INPP4B: variants seen among roughly 807,000 people sequenced by gnomAD.
INPP4B encodes the protein inositol polyphosphate 4-phosphatase type II.
Under a neutral mutation model 122.5 loss-of-function variants are expected in INPP4B, and 55 were observed. The observed-to-expected ratio is 0.45, with a 90% CI of 0.36 to 0.56. The LOEUF (loss-of-function observed/expected upper bound fraction) is 0.56, where lower values mean the gene tolerates loss of function less well. INPP4B is among the 20% of genes least tolerant of loss of function. The pLI is 0.00. For missense variants in INPP4B, 1,000 were observed against 1,097.7 expected (o/e 0.91, Z 1.26); for synonymous variants, 403 against 388.7 (o/e 1.04, Z -0.43).
Position 142,243,607 on chromosome 4 carries a change from T to C in INPP4B, c.689-5596A>G, listed in dbSNP as rs943799509. ...ATTTAAATCACACGGAGAAAATATA[T>C]TTTTGTTGTTATAAAATGAATATCA... On this transcript the variant is annotated intron_variant, in intron 11 of 25. Coordinates refer to ENST00000262992, the MANE Select transcript of INPP4B (RefSeq NM_001101669.3). Among the ~76,000 whole-genome samples the C allele has an allele frequency of 5.1e-4, 78 of 152,266 alleles. 1 individual carries two copies. The highest frequency in any genetic ancestry group is 1.1e-3 in the Non-Finnish European group (72 of 68,018).
At chr4:142,580,772 G>A (rs999615846) in intron 2 of INPP4B, among the ~76,000 whole-genome samples, 2 of 152,028 alleles carry the variant, frequency 1.3e-5, no homozygotes, top group African/African-American at 4.8e-5. Context: ...ACCTGACAGA[G>A]GGAGATACAT....
At chr4:142,559,320 T>A (rs1580367110) in intron 2 of INPP4B, among the ~76,000 whole-genome samples, 1 of 152,328 alleles carries the variant, frequency 6.6e-6, no homozygotes, top group East Asian at 1.9e-4. Context: ...TTCACTGTTA[T>A]GCTTTTGTTT....
chr4:142,613,350 A>G (rs1742986279), intron 2 of INPP4B, among the ~76,000 whole-genome samples: 1 of 152,218 alleles, frequency 6.6e-6, no homozygotes, highest in Non-Finnish European at 1.5e-5. Flanking sequence ...ATATGAAGAT[A>G]ACAAATGCAT....
chr4:142,648,724 T>C (rs1752329010), intron 2 of INPP4B, among the ~76,000 whole-genome samples: 1 of 152,226 alleles, frequency 6.6e-6, no homozygotes, highest in Non-Finnish European at 1.5e-5. Flanking sequence ...ACTGCCTCTA[T>C]AGAATCCACC....
At position 142,543,009 on chromosome 4, in the gene INPP4B, A is replaced by C. The variant is rs1326507145; in HGVS notation, c.-190-80283T>G. ...GTATGCTTAAAGCGGTATCTTTCTT[A>C]TTATTATTAGTGAAAACACCCTCTG... is the stretch of plus-strand genomic sequence containing the variant. On this transcript the variant is annotated intron_variant, in intron 2 of 25. Coordinates refer to ENST00000262992, the MANE Select transcript of INPP4B (RefSeq NM_001101669.3). Among the ~76,000 whole-genome samples, 5 of 152,144 alleles carry C rather than the reference A, an allele frequency of 3.3e-5. No homozygotes were observed. The East Asian group carries it at 5.8e-4, about 18-fold the overall frequency.
At chr4:142,556,036 G>A (rs1729100974) in intron 2 of INPP4B, among the ~76,000 whole-genome samples, 1 of 152,094 alleles carries the variant, frequency 6.6e-6, no homozygotes, top group Non-Finnish European at 1.5e-5. Flanking sequence ...ACACAAGATT[G>A]TAAAGATGGG....
chr4:142,418,766 T>C (rs891121119), intron 5 of INPP4B, among the ~76,000 whole-genome samples: 1 of 152,132 alleles, frequency 6.6e-6, no homozygotes, highest in Non-Finnish European at 1.5e-5. Context: ...CCATTTTGAT[T>C]TTACTCTAAG....
At chr4:142,132,329 T>C (rs1385475861) in intron 18 of INPP4B, among the ~76,000 whole-genome samples, 1 of 152,080 alleles carries the variant, frequency 6.6e-6, no homozygotes, top group Non-Finnish European at 1.5e-5. Flanking sequence ...GGGCAGGCTC[T>C]GGAGCCAGAC....
At chr4:142,103,990 A>C (rs1785772331) in intron 23 of INPP4B, among the ~76,000 whole-genome samples, 1 of 152,180 alleles carries the variant, frequency 6.6e-6, no homozygotes, top group Non-Finnish European at 1.5e-5. Context: ...GGTTAAAAAA[A>C]AGCCCTGTTT....
chr4:142,557,743 C>T (rs1377016481), intron 2 of INPP4B, among the ~76,000 whole-genome samples: 1 of 152,056 alleles, frequency 6.6e-6, no homozygotes, highest in Non-Finnish European at 1.5e-5. Flanking sequence ...TAAGGTGCAA[C>T]TAAAATAATT....
At chr4:142,425,888 A>G (rs1424743397) in intron 5 of INPP4B, among the ~76,000 whole-genome samples, 1 of 151,982 alleles carries the variant, frequency 6.6e-6, no homozygotes, top group East Asian at 1.9e-4. Flanking sequence ...CATTCGTATC[A>G]CAATCAACCC....
chr4:142,253,372 A>T (rs947335467), intron 11 of INPP4B, among the ~76,000 whole-genome samples: 5 of 152,240 alleles, frequency 3.3e-5, no homozygotes, highest in African/African-American at 4.8e-5. Context: ...GAATAGGAAC[A>T]GCTCCGGTCT....
At chr4:142,241,819 T>C (rs1859555360) in intron 11 of INPP4B, among the ~76,000 whole-genome samples, 1 of 152,144 alleles carries the variant, frequency 6.6e-6, no homozygotes, top group African/African-American at 2.4e-5. Flanking sequence ...CAGGGGATAA[T>C]CAAAAAGCTC....
chr4:142,081,889 G>T, intron 25 of INPP4B, 142 bp downstream of exon 25: 1 of 477,756 alleles, frequency 2.1e-6, no homozygotes, highest in East Asian at 3.1e-5. Context: ...ATCTATCTCT[G>T]ATGTCATAAG....
In INPP4B at chr4:142,504,572, C is replaced by T. The variant is rs992066590; in HGVS notation, c.-190-41846G>A. Among the ~76,000 whole-genome samples the T allele has an allele frequency of 2.6e-5, 4 of 152,082 alleles. No individual in the cohort carries two copies. The South Asian group carries it at 8.3e-4, about 32-fold the overall frequency. On this transcript the variant is annotated intron_variant, in intron 2 of 25. Coordinates refer to ENST00000262992, the MANE Select transcript of INPP4B (RefSeq NM_001101669.3). ...CTGTTCATTTGACCAAAAATAAACACAAAGACAAAACCTTGTTAAGCAAAT... is the reference window on the plus strand; with the variant it reads ...CTGTTCATTTGACCAAAAATAAACATAAAGACAAAACCTTGTTAAGCAAAT...
chr4:142,308,800 G>T (rs1764380834), intron 8 of INPP4B, among the ~76,000 whole-genome samples: 1 of 151,982 alleles, frequency 6.6e-6, no homozygotes, highest in Non-Finnish European at 1.5e-5. Flanking sequence ...GTTTCTATCA[G>T]GGGAAAATAA....
intron 2 of INPP4B, among the ~76,000 whole-genome samples, chr4:142,611,771 C>T (rs756600223): frequency 1.9e-4 from 28 of 149,458 alleles, no homozygotes; most frequent in African/African-American, 5.4e-4. Flanking sequence ...GAGGTTCAAG[C>T]GATTCTCCTG....
intron 25 of INPP4B, among the ~76,000 whole-genome samples, chr4:142,074,692 T>G (rs760591715): frequency 2.0e-5 from 3 of 152,126 alleles, no homozygotes; most frequent in Non-Finnish European, 2.9e-5. Flanking sequence ...AAGGGAGTAT[T>G]ATATAAGTTT....
chr4:142,406,123 C>T (rs1411448046), intron 5 of INPP4B, among the ~76,000 whole-genome samples: 1 of 152,136 alleles, frequency 6.6e-6, no homozygotes, highest in South Asian at 2.1e-4. Flanking sequence ...TCCTCTCTAT[C>T]CCCGCCACCC....
Sources: gnomAD v4.1 joint callset for allele counts (sites outside exome capture counted in the v4.1 genomes callset) on GRCh38, gnomAD v4.1.1 for gene constraint, MANE v1.5 for transcripts, NCBI Gene and HGNC (gene_info 2026-07-23, HGNC 2026-07-21) for gene names.